DOP1B: variants seen among roughly 807,000 people sequenced by gnomAD.
DOP1B encodes DOP1 leucine zipper like protein B.
A neutral mutation model predicts 233.5 loss-of-function variants in DOP1B; 174 were observed. The observed-to-expected ratio is 0.75, with a 90% CI of 0.66 to 0.85. DOP1B has a LOEUF of 0.85. DOP1B is among the 40% of genes least tolerant of loss of function. DOP1B has a pLI of 0.00. For missense variants in DOP1B, 2,652 were observed against 2,846.6 expected (o/e 0.93, Z 1.56); for synonymous variants, 1,190 against 1,185.6 (o/e 1.00, Z -0.08).
At chr21:36,229,448 A>T (rs2066732945) in intron 13 of DOP1B, among the ~76,000 whole-genome samples, 1 of 152,042 alleles carries the variant, frequency 6.6e-6, no homozygotes, top group Admixed American at 6.6e-5. Flanking sequence ...ACCTGTGTGC[A>T]TGTCTGTCTC....
intron 4 of DOP1B, 131 bp downstream of exon 4, chr21:36,200,632 A>G: frequency 1.8e-6 from 2 of 1,125,472 alleles, no homozygotes; most frequent in Non-Finnish European, 2.4e-6. Context: ...TCACAAGGTC[A>G]GGAGATGGAG....
chr21:36,169,678 C>G, intron 2 of DOP1B: 1 of 892,872 alleles, frequency 1.1e-6, no homozygotes, highest in South Asian at 1.3e-5. Flanking sequence ...GAAGTAGGCG[C>G]GTCTGGGTGT....
At chr21:36,254,947 C>CT (rs35630827) in intron 23 of DOP1B, among the ~76,000 whole-genome samples, 31,792 of 127,596 alleles carry the variant, frequency 0.25, 4,406 homozygotes, top group Admixed American at 0.29. Context: ...ATTTGTGTAA[C>CT]TTTTTTTTTT....
At chr21:36,258,454 G>C (rs1377780247) in intron 23 of DOP1B, among the ~76,000 whole-genome samples, 2 of 151,056 alleles carry the variant, frequency 1.3e-5, no homozygotes, top group Non-Finnish European at 2.9e-5. Flanking sequence ...GCCGACCATT[G>C]TAACAAAGTT....
Position 36,176,087 on chromosome 21 carries a change from G to GGTGTGTGTGCGT in DOP1B, c.138+11226_138+11237dup, listed in dbSNP as rs1555886132. Among the ~76,000 whole-genome samples the GGTGTGTGTGCGT allele has an allele frequency of 5.7e-3, 548 of 96,586 alleles. 5 individuals carry two copies. Among genetic ancestry groups the GGTGTGTGTGCGT allele is most frequent in the African/African-American group, 0.018 (511 of 28,626 alleles). 63.4% of individuals were successfully genotyped at this position (96,586 alleles called of 152,430 possible). ...GCCCAGTGAGGAGCTTCGACTTTGG[G>GGTGTGTGTGCGT]GTGTGTGTGCGTGTGTGTGTGTGTG... On this transcript the variant is annotated intron_variant, in intron 2 of 36. Coordinates refer to ENST00000691173, the MANE Select transcript of DOP1B (RefSeq NM_001320714.2).
Position 36,230,571 on chromosome 21 carries a change from C to T in DOP1B, c.1787C>T (p.Ser596Leu), listed in dbSNP as rs150192185. The T allele has an allele frequency of 9.4e-4, 1,515 of 1,614,212 alleles. 3 individuals are homozygous for T. Among genetic ancestry groups the T allele is most frequent in the Non-Finnish European group, 1.2e-3 (1,424 of 1,180,050 alleles). The change falls in exon 14 of 37, where the codon TCG becomes TTG. Residue 596 changes from serine to leucine, a missense_variant. Ser to Leu is a moderately radical substitution (Grantham distance 145). This residue lies in a region of DOP1B where 2,617 missense variants were observed against 2,794.3 expected (regional missense o/e 0.94). Transcript: ENST00000691173. Reference sequence around the variant, plus strand: ...GACAGTGGGATCGGGCTCAGTGCCTCGTCACCGGAGCTCTCTGAGCACTTG... The same window carrying T: ...GACAGTGGGATCGGGCTCAGTGCCTTGTCACCGGAGCTCTCTGAGCACTTG... ...SEDSGIGLSA[S>L]SPELSEHLRV...
At chr21:36,178,614 C>T (rs183567500) in intron 2 of DOP1B, among the ~76,000 whole-genome samples, 2 of 152,230 alleles carry the variant, frequency 1.3e-5, no homozygotes, top group African/African-American at 4.8e-5. Flanking sequence ...TTAAGCCGCC[C>T]ACTCTGTGGT....
chr21:36,276,890 C>A, intron 27 of DOP1B, 131 bp from the exon 28 acceptor site: 4 of 732,634 alleles, frequency 5.5e-6, no homozygotes, highest in South Asian at 1.8e-5. Context: ...GAGAGGAATA[C>A]CTGAGTCATA....
chr21:36,232,312 C>T (rs1046363502), intron 14 of DOP1B, among the ~76,000 whole-genome samples: 8 of 152,132 alleles, frequency 5.3e-5, no homozygotes, highest in African/African-American at 1.7e-4. Context: ...TGCTAGGGCT[C>T]CTCTAACAAA....
chr21:36,166,475 G>A (rs146583994), intron 2 of DOP1B, among the ~76,000 whole-genome samples: 2,098 of 152,050 alleles, frequency 0.014, 28 homozygotes, highest in Middle Eastern at 0.071. Context: ...CTGGTCCCTG[G>A]TGCCAAAAAG....
At chr21:36,279,662 A>G (rs762671375) in intron 30 of DOP1B, among the ~76,000 whole-genome samples, 1 of 152,176 alleles carries the variant, frequency 6.6e-6, no homozygotes, top group Non-Finnish European at 1.5e-5. Flanking sequence ...CTTTTCATCA[A>G]CACAACTGTG....
chr21:36,202,192 A>C (rs867110538), intron 4 of DOP1B, among the ~76,000 whole-genome samples: 16 of 152,128 alleles, frequency 1.1e-4, no homozygotes, highest in Admixed American at 2.0e-4. Flanking sequence ...GTCTCAGAAA[A>C]AAACAAACAA....
At chr21:36,199,284 T>C in intron 3 of DOP1B, 33 bp downstream of exon 3, 1 of 1,588,478 alleles carries the variant, frequency 6.3e-7, no homozygotes, top group Non-Finnish European at 8.6e-7. Flanking sequence ...TTCCTTTTTA[T>C]TACCCAAGTA....
At chr21:36,279,536 C>G (rs1470896763) in intron 30 of DOP1B, among the ~76,000 whole-genome samples, 1 of 152,184 alleles carries the variant, frequency 6.6e-6, no homozygotes, top group African/African-American at 2.4e-5. Context: ...AGCATGGCCA[C>G]CCCCAGAGGG....
Position 36,230,776 on chromosome 21 carries a change from C to T in DOP1B, c.1992C>T (p.Asp664=), listed in dbSNP as rs2066753680. ...CCGAGGAGCCTGCAGGGAAGAGGGA[C>T]AGGGATGGGACGCAGAGCCTGGCAG... is the stretch of plus-strand genomic sequence containing the variant. ...SKSEEPAGKR[D]RDGTQSLAAN... Residue 664 remains aspartate (D), a synonymous_variant, in exon 14 of 37, where the codon GAC becomes GAT. Coordinates refer to ENST00000691173, the MANE Select transcript of DOP1B (RefSeq NM_001320714.2). 3 of 1,614,144 alleles carry T rather than the reference C, an allele frequency of 1.9e-6. No individual in the cohort carries two copies. Among genetic ancestry groups the T allele is most frequent in the Non-Finnish European group, 2.5e-6 (3 of 1,180,032 alleles).
At chr21:36,175,330 C>T (rs1321572542) in intron 2 of DOP1B, among the ~76,000 whole-genome samples, 1 of 151,380 alleles carries the variant, frequency 6.6e-6, no homozygotes, top group Non-Finnish European at 1.5e-5. Flanking sequence ...AGGCTGGTCT[C>T]GAACTCCTGA....
chr21:36,172,238 A>G (rs889922318), intron 2 of DOP1B, among the ~76,000 whole-genome samples: 1 of 152,148 alleles, frequency 6.6e-6, no homozygotes, highest in Non-Finnish European at 1.5e-5. Flanking sequence ...GCTGTGAGCA[A>G]GGGAACCTCT....
chr21:36,292,634 C>T (rs1464511308), intron 36 of DOP1B, among the ~76,000 whole-genome samples: 3 of 132,862 alleles, frequency 2.3e-5, no homozygotes, highest in Non-Finnish European at 3.1e-5. Context: ...TTTTTTGAGA[C>T]GAAGTCTCAC....
chr21:36,227,422 C>T (rs1485712850), intron 12 of DOP1B, among the ~76,000 whole-genome samples: 2 of 151,182 alleles, frequency 1.3e-5, no homozygotes, highest in Non-Finnish European at 2.9e-5. Context: ...TGGTGGGCAC[C>T]TGTAGTCCCA....
Sources: allele counts gnomAD v4.1 joint callset (sites outside exome capture counted in the v4.1 genomes callset), GRCh38; gene constraint gnomAD v4.1.1; regional missense constraint gnomAD v4.1.1; transcripts MANE v1.5; gene names NCBI Gene and HGNC (gene_info 2026-07-23, HGNC 2026-07-21).